LARGE1: variants seen among roughly 807,000 people sequenced by gnomAD.
The protein encoded by LARGE1 is xylosyl- and glucuronyltransferase LARGE1.
A neutral mutation model predicts 87.6 loss-of-function variants in LARGE1; 43 were observed. The observed-to-expected ratio is 0.49, with a 90% CI of 0.38 to 0.63. The LOEUF (loss-of-function observed/expected upper bound fraction) is 0.63. Among genes scored for constraint, LARGE1 ranks in the 30% least tolerant of loss-of-function variants. The probability of loss-of-function intolerance (pLI) is 0.00; values close to 1 mark genes in which losing one functional copy is unlikely to be tolerated. For synonymous variants in LARGE1, 434 were observed against 394.6 expected (o/e 1.10, Z -1.18); for missense variants, 802 against 1,000.2 (o/e 0.80, Z 2.67).
chr22:33,823,803 G>A (rs890085289), intron 1 of LARGE1, among the ~76,000 whole-genome samples: 2 of 152,162 alleles, frequency 1.3e-5, no homozygotes, highest in Non-Finnish European at 2.9e-5. Flanking sequence ...ATCTTTGTTC[G>A]AACTGAGTCA....
chr22:33,856,484 C>A (rs963799207), intron 1 of LARGE1, among the ~76,000 whole-genome samples: 2 of 152,216 alleles, frequency 1.3e-5, no homozygotes, highest in African/African-American at 2.4e-5. Context: ...GGAAATCCCA[C>A]CAGAACTGGG....
intron 11 of LARGE1, 115 bp downstream of exon 11, chr22:33,315,970 C>A: frequency 8.1e-7 from 1 of 1,241,122 alleles, no homozygotes; most frequent in Non-Finnish European, 1.1e-6. Context: ...TCTTCCTGCT[C>A]CATCCTCCAA....
At chr22:33,810,530 T>C (rs2086459297) in intron 1 of LARGE1, among the ~76,000 whole-genome samples, 1 of 152,176 alleles carries the variant, frequency 6.6e-6, no homozygotes, top group Non-Finnish European at 1.5e-5. Flanking sequence ...GGACCTACTC[T>C]GGCCAATGAA....
intron 6 of LARGE1, among the ~76,000 whole-genome samples, chr22:33,545,768 T>C (rs1325972265): frequency 2.0e-5 from 3 of 151,806 alleles, no homozygotes; most frequent in Admixed American, 6.6e-5. Context: ...TATGTTTGTA[T>C]GGACAGGGTT....
chr22:33,539,998 G>A (rs57615182), intron 6 of LARGE1, among the ~76,000 whole-genome samples: 2,558 of 152,242 alleles, frequency 0.017, 62 homozygotes, highest in African/African-American at 0.056. Flanking sequence ...TGGGGGCTCA[G>A]GTCCTTCATC....
At chr22:33,117,018 G>T in the LARGE1 span, among the ~76,000 whole-genome samples, 1 of 152,176 alleles carries the variant, frequency 6.6e-6, no homozygotes, top group South Asian at 2.1e-4. Context: ...GCTGGCAATG[G>T]CAGGTATCTT....
At chr22:33,358,251 A>C (rs1444553812) in intron 9 of LARGE1, among the ~76,000 whole-genome samples, 1 of 152,170 alleles carries the variant, frequency 6.6e-6, no homozygotes, top group Non-Finnish European at 1.5e-5. Context: ...GAGAAGTCTG[A>C]CTAGAAGGTA....
At chr22:33,552,931 C>A (rs2283914) in intron 6 of LARGE1, among the ~76,000 whole-genome samples, 91,228 of 151,978 alleles carry the variant, frequency 0.6, 27,867 homozygotes, top group African/African-American at 0.71. Flanking sequence ...TGCGAAGTGC[C>A]TGGAAGCGTG....
At chr22:33,444,796 T>C (rs1961457954) in intron 6 of LARGE1, among the ~76,000 whole-genome samples, 4 of 152,152 alleles carry the variant, frequency 2.6e-5, no homozygotes, top group Admixed American at 2.6e-4. Context: ...CAAGCAGGGC[T>C]GAGGCGGTCC....
chr22:33,802,622 T>G (rs1601652416), intron 1 of LARGE1, among the ~76,000 whole-genome samples: 2 of 152,312 alleles, frequency 1.3e-5, no homozygotes, highest in South Asian at 2.1e-4. Flanking sequence ...AGATATACAG[T>G]AGGTAAGGTG....
intron 11 of LARGE1, among the ~76,000 whole-genome samples, chr22:33,213,890 G>A (rs562193544): frequency 3.3e-5 from 5 of 151,984 alleles, no homozygotes; most frequent in South Asian, 2.1e-4. Context: ...GTGCAGTGGC[G>A]CAATCTCCGC....
intron 11 of LARGE1, chr22:33,305,652 A>G (rs867449660): frequency 6.2e-5 from 59 of 956,494 alleles, no homozygotes; most frequent in Middle Eastern, 5.3e-4. Flanking sequence ...GGGCACACCT[A>G]TCTTGTTTCA....
At chr22:33,068,693 T>C in the LARGE1 span, among the ~76,000 whole-genome samples, 1 of 152,154 alleles carries the variant, frequency 6.6e-6, no homozygotes, top group African/African-American at 2.4e-5. Context: ...AATTCTGCAA[T>C]GCACTCCTCT....
At position 33,231,316 on chromosome 22, in the gene LARGE1, C is replaced by T. The variant is rs542952500; in HGVS notation, c.1731-64484G>A. Among the ~76,000 whole-genome samples, 784 of 152,288 alleles carry T rather than the reference C, an allele frequency of 5.1e-3. 8 individuals carry two copies. Among genetic ancestry groups the T allele is most frequent in the Non-Finnish European group, 7.1e-3 (482 of 68,004 alleles). On this transcript the variant is annotated intron_variant, in intron 11 of 11. Coordinates refer to the LARGE1 transcript ENST00000608642. ...TAGACAGAAGCTTTGGAGTCAGGTT[C>T]CTGAGTTGTAATTCTGATTCTCCAA...
chr22:33,810,997 T>C (rs570426883), intron 1 of LARGE1, among the ~76,000 whole-genome samples: 1 of 152,262 alleles, frequency 6.6e-6, no homozygotes, highest in South Asian at 2.1e-4. Flanking sequence ...GATTTTTTTG[T>C]TCTATGCGAG....
chr22:33,704,057 C>T (rs1284002276), intron 2 of LARGE1, among the ~76,000 whole-genome samples: 1 of 152,172 alleles, frequency 6.6e-6, no homozygotes, highest in African/African-American at 2.4e-5. Context: ...CAGAGGGATA[C>T]TAAAGCGCTG....
At chr22:33,916,777 C>T (rs570969901) in intron 1 of LARGE1, among the ~76,000 whole-genome samples, 1 of 152,334 alleles carries the variant, frequency 6.6e-6, no homozygotes, top group East Asian at 1.9e-4. Context: ...TGCCACCTGG[C>T]TTCCATCAAA....
At chr22:33,617,156 G>A (rs1602736675) in intron 4 of LARGE1, among the ~76,000 whole-genome samples, 1 of 152,326 alleles carries the variant, frequency 6.6e-6, no homozygotes, top group East Asian at 1.9e-4. Context: ...CGGGAGGTAA[G>A]TCCAATTCAT....
intron 9 of LARGE1, among the ~76,000 whole-genome samples, chr22:33,374,279 T>G (rs1265975938): frequency 1.3e-5 from 2 of 152,218 alleles, no homozygotes; most frequent in African/African-American, 2.4e-5. Flanking sequence ...ATACATTGGC[T>G]TCTCACAAGG....
Sources: gnomAD v4.1 joint callset for allele counts (sites outside exome capture counted in the v4.1 genomes callset) on GRCh38, gnomAD v4.1.1 for gene constraint, MANE v1.5 for transcripts, NCBI Gene and HGNC (gene_info 2026-07-23, HGNC 2026-07-21) for gene names.